Variants in IL1RAPL2 observed in about 807,000 individuals in gnomAD.
The protein encoded by IL1RAPL2 is interleukin 1 receptor accessory protein like 2.
A neutral mutation model predicts 44.1 loss-of-function variants in IL1RAPL2; 3 were observed. The ratio of observed to expected loss-of-function variants is 0.07; its 90% CI spans 0.03 to 0.18. IL1RAPL2 has a LOEUF of 0.18. Among genes scored for constraint, IL1RAPL2 ranks in the 10% least tolerant of loss-of-function variants. The probability of loss-of-function intolerance (pLI) is 1.00; values close to 1 mark genes in which losing one functional copy is unlikely to be tolerated. For missense variants in IL1RAPL2, 391 were observed against 496.4 expected (o/e 0.79, Z 2.02); for synonymous variants, 181 against 178.8 (o/e 1.01, Z -0.10).
At chrX:104,633,423 C>A (rs369573963) in intron 1 of IL1RAPL2, among the ~76,000 whole-genome samples, 10 of 111,821 alleles carry the variant, frequency 8.9e-5, no homozygotes, top group African/African-American at 3.2e-4. Flanking sequence ...ATGGTACCAG[C>A]TCCTCCTTGT....
At chrX:105,101,415 G>A (rs994393061) in intron 2 of IL1RAPL2, among the ~76,000 whole-genome samples, 9 of 111,735 alleles carry the variant, frequency 8.1e-5, no homozygotes, top group African/African-American at 2.9e-4. Context: ...GAAGGATGCC[G>A]CATTTTAATA....
chrX:105,434,773 T>A (rs1296264270), intron 5 of IL1RAPL2, among the ~76,000 whole-genome samples: 2 of 112,020 alleles, frequency 1.8e-5, no homozygotes, highest in East Asian at 5.6e-4. Context: ...GATTTTATCA[T>A]AAAATCTTTG....
intron 5 of IL1RAPL2, among the ~76,000 whole-genome samples, chrX:105,372,540 G>C (rs1320829575): frequency 9.0e-6 from 1 of 110,819 alleles, no homozygotes; most frequent in Non-Finnish European, 1.9e-5. Flanking sequence ...AGGTAAACTT[G>C]TGTCATGGGG....
chrX:104,915,045 T>C (rs947158919), intron 2 of IL1RAPL2, among the ~76,000 whole-genome samples: 3 of 112,025 alleles, frequency 2.7e-5, no homozygotes, highest in African/African-American at 6.5e-5. Context: ...TGTGTCTTTA[T>C]AGTAGCATGA....
chrX:105,266,810 C>A (rs2034406623), intron 4 of IL1RAPL2, among the ~76,000 whole-genome samples: 1 of 111,705 alleles, frequency 9.0e-6, no homozygotes, highest in Admixed American at 9.5e-5. Flanking sequence ...TATTCCTTCC[C>A]TCTCTACCCC....
chrX:105,058,605 T>C (rs766106550), intron 2 of IL1RAPL2, among the ~76,000 whole-genome samples: 1 of 112,000 alleles, frequency 8.9e-6, no homozygotes, highest in African/African-American at 3.2e-5. Flanking sequence ...AGACACATAG[T>C]AGAGATTCAA....
intron 2 of IL1RAPL2, among the ~76,000 whole-genome samples, chrX:105,161,332 A>G (rs1285407730): frequency 9.1e-6 from 1 of 110,290 alleles, no homozygotes; most frequent in Non-Finnish European, 1.9e-5. Context: ...TTTCTCATTC[A>G]CTTGAATTTA....
intron 5 of IL1RAPL2, among the ~76,000 whole-genome samples, chrX:105,402,017 T>A (rs745480376): frequency 9.0e-6 from 1 of 110,908 alleles, no homozygotes; most frequent in Admixed American, 9.6e-5. Flanking sequence ...AGAAAAATGC[T>A]CCTAAAATTA....
intron 2 of IL1RAPL2, among the ~76,000 whole-genome samples, chrX:105,000,070 C>A (rs1392685260): frequency 1.8e-5 from 2 of 110,279 alleles, no homozygotes; most frequent in African/African-American, 6.6e-5. Context: ...TTTCCTCTTT[C>A]ATTTCCTTCT....
intron 6 of IL1RAPL2, among the ~76,000 whole-genome samples, chrX:105,593,077 G>C (rs1026583720): frequency 8.9e-6 from 1 of 111,878 alleles, no homozygotes; most frequent in Non-Finnish European, 1.9e-5. Context: ...ACAATTCGTA[G>C]ATTTGGCCTC....
At chrX:105,763,874 TG>T (rs1422353438) in intron 10 of IL1RAPL2, among the ~76,000 whole-genome samples, 1 of 110,775 alleles carries the variant, frequency 9.0e-6, no homozygotes, top group Non-Finnish European at 1.9e-5. Context: ...CCAAGTGAAA[TG>T]GAATACGAGA....
At chrX:104,683,106 C>T (rs1313168965) in intron 2 of IL1RAPL2, among the ~76,000 whole-genome samples, 1 of 111,418 alleles carries the variant, frequency 9.0e-6, no homozygotes, top group Non-Finnish European at 1.9e-5. Context: ...ACCTGATATA[C>T]ACTTCACTTC....
intron 2 of IL1RAPL2, among the ~76,000 whole-genome samples, chrX:105,148,017 T>A (rs2033194295): frequency 9.0e-6 from 1 of 111,377 alleles, no homozygotes; most frequent in Admixed American, 9.6e-5. Context: ...TAAAAAGAGT[T>A]GCTCTTTTCC....
At chrX:105,074,321 T>C (rs898396175) in intron 2 of IL1RAPL2, among the ~76,000 whole-genome samples, 11 of 111,744 alleles carry the variant, frequency 9.8e-5, no homozygotes, top group Non-Finnish European at 2.1e-4. Flanking sequence ...TTTCTTGTTT[T>C]TGTCAGGTTT....
At position 105,045,272 on chromosome X, in the gene IL1RAPL2, C is replaced by T. The variant is rs1364822348; in HGVS notation, c.83-150203C>T. Among the ~76,000 whole-genome samples, 5 of 111,502 alleles carry T rather than the reference C, an allele frequency of 4.5e-5. No homozygotes were observed. In the East Asian group the frequency reaches 1.4e-3, roughly 32 times the overall value. ...ATTGTAAACACTGAACTGATTTAAC[C>T]AACTATGGTGTATGTGCTGGGTAGA... On this transcript the variant is annotated intron_variant, in intron 2 of 10. Coordinates refer to ENST00000372582, the MANE Select transcript of IL1RAPL2 (RefSeq NM_017416.2).
intron 7 of IL1RAPL2, among the ~76,000 whole-genome samples, chrX:105,733,717 T>C (rs2038424014): frequency 1.8e-5 from 2 of 111,212 alleles, no homozygotes; most frequent in East Asian, 5.7e-4. Context: ...TGTTGATATA[T>C]GTTGTCCACT....
chrX:105,436,166 T>G (rs1354155699), intron 5 of IL1RAPL2, among the ~76,000 whole-genome samples: 1 of 111,295 alleles, frequency 9.0e-6, no homozygotes, highest in Non-Finnish European at 1.9e-5. Flanking sequence ...CATACTTTAT[T>G]TTTTCCACTA....
At chrX:104,939,050 C>CTTTTTTTT (rs60881835) in intron 2 of IL1RAPL2, among the ~76,000 whole-genome samples, 4 of 81,462 alleles carry the variant, frequency 4.9e-5, no homozygotes, top group Non-Finnish European at 6.8e-5. Context: ...TGCATGCTAG[C>CTTTTTTTT]TTTTTTTTTT....
At chrX:104,575,732 C>T (rs1928232729) in intron 1 of IL1RAPL2, among the ~76,000 whole-genome samples, 1 of 111,432 alleles carries the variant, frequency 9.0e-6, no homozygotes, top group African/African-American at 3.3e-5. Context: ...TGACTTTTTC[C>T]CCTATACACC....
Sources: allele counts gnomAD v4.1 joint callset (sites outside exome capture counted in the v4.1 genomes callset), GRCh38; gene constraint gnomAD v4.1.1; transcripts MANE v1.5; gene names NCBI Gene and HGNC (gene_info 2026-07-23, HGNC 2026-07-21).